The following NOL4L variants were observed in gnomAD, a reference collection of about 807,000 sequenced individuals.
NOL4L encodes the protein nucleolar protein 4 like, also known as nucleolar protein 4-like.
Under a neutral mutation model 64.5 loss-of-function variants are expected in NOL4L, and 7 were observed. That is an observed-to-expected ratio of 0.11 (90% CI 0.06 to 0.20). The LOEUF is 0.20. Among genes scored for constraint, NOL4L ranks in the 10% least tolerant of loss-of-function variants. NOL4L has a pLI of 1.00. For missense variants in NOL4L, 680 were observed against 967.1 expected (o/e 0.70, Z 3.94); for synonymous variants, 413 against 401.0 (o/e 1.03, Z -0.36).
Position 32,578,139 on chromosome 20 carries a change from G to GGAAGGAAGGAAGGAGGGAGGGAGA in NOL4L, c.321+6430_321+6431insTCTCCCTCCCTCCTTCCTTCCTTC, listed in dbSNP as rs1378928982. ...AGGAAGGAAGGAAGGAAGGAAGGAAGGAGGGAGGGAGGGAGGGAGGGAGGG... is the reference window on the plus strand; with the variant it reads ...AGGAAGGAAGGAAGGAAGGAAGGAAGGAAGGAAGGAAGGAGGGAGGGAGAGAGGGAGGGAGGGAGGGAGGGAGGG... On this transcript the variant is annotated intron_variant, in intron 1 of 10. Coordinates refer to ENST00000621426, the MANE Select transcript of NOL4L (RefSeq NM_001256798.2). Among the ~76,000 whole-genome samples, 294 of 70,676 alleles carry GGAAGGAAGGAAGGAGGGAGGGAGA rather than the reference G, an allele frequency of 4.2e-3. 5 individuals carry two copies. Among genetic ancestry groups the GGAAGGAAGGAAGGAGGGAGGGAGA allele is most frequent in the African/African-American group, 0.027 (278 of 10,354 alleles). The allele number at this position is 70,676 out of a possible 152,430, so 46.4% of individuals were successfully genotyped here.
intron 5 of NOL4L, among the ~76,000 whole-genome samples, chr20:32,465,675 C>G (rs1445432376): frequency 6.6e-6 from 1 of 152,238 alleles, no homozygotes; most frequent in Non-Finnish European, 1.5e-5. Flanking sequence ...ATTCACGGGG[C>G]AGGGCCCTGG....
At chr20:32,535,471 C>A in intron 1 of NOL4L, 1 of 447,256 alleles carries the variant, frequency 2.2e-6, no homozygotes, top group South Asian at 9.5e-5. Context: ...CAATCTCCAA[C>A]TGTTAGCGCG....
chr20:32,576,095 C>A (rs1425423835), intron 1 of NOL4L, among the ~76,000 whole-genome samples: 1 of 152,178 alleles, frequency 6.6e-6, no homozygotes, highest in Non-Finnish European at 1.5e-5. Context: ...CAGGGCTCTG[C>A]AGGCTACTGG....
At chr20:32,566,158 C>G (rs956616402) in intron 1 of NOL4L, among the ~76,000 whole-genome samples, 2 of 152,202 alleles carry the variant, frequency 1.3e-5, no homozygotes, top group African/African-American at 4.8e-5. Context: ...CCCATTGCAA[C>G]TCGGTTCTAT....
intron 4 of NOL4L, among the ~76,000 whole-genome samples, chr20:32,505,033 A>G (rs1156251234): frequency 6.6e-6 from 1 of 152,226 alleles, no homozygotes; most frequent in Non-Finnish European, 1.5e-5. Context: ...GAGGAAGGAA[A>G]GAAGGGAATC....
At chr20:32,467,930 A>G (rs937633126) in intron 5 of NOL4L, among the ~76,000 whole-genome samples, 1 of 152,208 alleles carries the variant, frequency 6.6e-6, no homozygotes, top group Non-Finnish European at 1.5e-5. Context: ...CTGGGCACTC[A>G]GGAAACACAC....
intron 1 of NOL4L, among the ~76,000 whole-genome samples, chr20:32,583,444 G>A (rs988887662): frequency 1.4e-5 from 2 of 147,090 alleles, no homozygotes; most frequent in East Asian, 2.1e-4. Flanking sequence ...CCGGCCGGGG[G>A]AGGAGCGCGG....
chr20:32,466,917 C>A (rs1286247392), intron 5 of NOL4L, among the ~76,000 whole-genome samples: 1 of 152,162 alleles, frequency 6.6e-6, no homozygotes, highest in East Asian at 1.9e-4. Flanking sequence ...CAGCAGCAGG[C>A]CGGAGTTCTG....
At position 32,463,858 on chromosome 20, in the gene NOL4L, G is replaced by A. The variant is rs1214219854; in HGVS notation, c.842-7463C>T. ...GCGACTCCCACCAGCTCCCAGGCTA[G>A]GCTCGGAGAACGGGAAGGCCCACCA... On this transcript the variant is annotated intron_variant, in intron 5 of 10. Coordinates refer to ENST00000621426, the MANE Select transcript of NOL4L (RefSeq NM_001256798.2). This position sits in a 1 kb window ranked among gnomAD's most constrained non-coding sequence, Gnocchi z 5.8. Among the ~76,000 whole-genome samples the A allele has an allele frequency of 6.6e-6, 1 of 152,178 alleles. No homozygotes were observed. Among genetic ancestry groups the A allele is most frequent in the African/African-American group, 2.4e-5 (1 of 41,432 alleles).
At chr20:32,512,391 G>A (rs934360587) in intron 3 of NOL4L, among the ~76,000 whole-genome samples, 8 of 152,016 alleles carry the variant, frequency 5.3e-5, no homozygotes, top group Non-Finnish European at 1.0e-4. Flanking sequence ...ACATCCTCAG[G>A]TGCCTTATGC....
chr20:32,472,802 C>T (rs908066822), intron 5 of NOL4L, among the ~76,000 whole-genome samples: 7 of 152,114 alleles, frequency 4.6e-5, no homozygotes, highest in African/African-American at 9.7e-5. Context: ...GTGAGGCCCA[C>T]GGCCCTGTGG....
chr20:32,554,145 C>T (rs778443002), intron 1 of NOL4L, among the ~76,000 whole-genome samples: 12 of 151,858 alleles, frequency 7.9e-5, no homozygotes, highest in Non-Finnish European at 1.0e-4. Context: ...AGGGTGAAAC[C>T]CCGTCTCTAC....
chr20:32,527,621 G>GC, intron 2 of NOL4L, 137 bp downstream of exon 2: 1 of 997,234 alleles, frequency 1.0e-6, no homozygotes, highest in Non-Finnish European at 1.4e-6. Flanking sequence ...CTTGCCCTGT[G>GC]CCCCCCTAGA....
intron 4 of NOL4L, among the ~76,000 whole-genome samples, chr20:32,487,936 T>TTA (rs1555796299): frequency 0.11 from 13,300 of 118,130 alleles, 937 homozygotes; most frequent in East Asian, 0.46. Context: ...TTGGTTTTAT[T>TTA]TTTTTTTTTT....
chr20:32,571,613 C>T (rs1010850435), intron 1 of NOL4L, among the ~76,000 whole-genome samples: 1 of 152,250 alleles, frequency 6.6e-6, no homozygotes, highest in African/African-American at 2.4e-5. Flanking sequence ...GGCCTATCTC[C>T]TCCTCTCCCC....
At chr20:32,544,274 G>A (rs1285480644) in intron 1 of NOL4L, among the ~76,000 whole-genome samples, 1 of 151,470 alleles carries the variant, frequency 6.6e-6, no homozygotes, top group East Asian at 2.0e-4. Flanking sequence ...GGGCCCAGGA[G>A]CTGCTGGAAG....
intron 4 of NOL4L, among the ~76,000 whole-genome samples, chr20:32,493,165 C>T (rs1405442561): frequency 1.3e-5 from 2 of 152,210 alleles, no homozygotes; most frequent in Non-Finnish European, 2.9e-5. Flanking sequence ...CTAGCTGGCT[C>T]TCCGGCAGGT....
rs149782669 is a variant in NOL4L, at chr20:32,467,157, T to C, written c.841+7444A>G. ...TTCACGCTGTGCTGGGGACACCCCA[T>C]GGCACCCTGAGTACCAGAAGCCAGA... On this transcript the variant is annotated intron_variant, in intron 5 of 10. Transcript: ENST00000621426. Among the ~76,000 whole-genome samples the C allele has an allele frequency of 1.4e-4, 21 of 152,318 alleles. No homozygotes were observed. The East Asian group carries it at 4.1e-3, about 29-fold the overall frequency.
chr20:32,485,085 A>AAAAAAAAAAAAAAAAC (rs1568643237), intron 4 of NOL4L, among the ~76,000 whole-genome samples: 1 of 144,410 alleles, frequency 6.9e-6, no homozygotes, highest in Non-Finnish European at 1.5e-5. Context: ...AAAAAAAAAA[A>AAAAAAAAAAAAAAAAC]AACAACTAAA....
Sources: gnomAD v4.1 joint callset for allele counts (sites outside exome capture counted in the v4.1 genomes callset) on GRCh38, gnomAD v4.1.1 for gene constraint, Gnocchi (gnomAD v3.1) non-coding constraint, MANE v1.5 for transcripts, NCBI Gene and HGNC (gene_info 2026-07-23, HGNC 2026-07-21) for gene names.